DGKG: variants seen among roughly 807,000 people sequenced by gnomAD.
The protein encoded by DGKG is diacylglycerol kinase gamma.
DGKG carries 78 observed loss-of-function variants against 105.3 expected under a neutral mutation model. The ratio of observed to expected loss-of-function variants is 0.74; its 90% CI spans 0.62 to 0.89. The LOEUF is 0.89. Ranked by LOEUF, DGKG falls within the 40% of genes least tolerant of loss-of-function variation. The pLI, the probability that DGKG is intolerant of heterozygous loss-of-function variation, is 0.00. For synonymous variants in DGKG, 346 were observed against 367.1 expected, an observed-to-expected ratio of 0.94 and a Z score of 0.66; for missense variants, 958 against 1,020.1, an observed-to-expected ratio of 0.94 and a Z score of 0.83.
intron 3 of DGKG, among the ~76,000 whole-genome samples, chr3:186,299,840 T>TCTTTCTCTTTCTTTCTTTC (rs1553815789): frequency 2.0e-4 from 16 of 80,750 alleles, no homozygotes; most frequent in Non-Finnish European, 2.5e-4. Context: ...TTTCTTTCTT[T>TCTTTCTCTTTCTTTCTTTC]TTTTTTTTTT....
At chr3:186,348,473 A>C (rs1229525082) in intron 1 of DGKG, among the ~76,000 whole-genome samples, 1 of 73,214 alleles carries the variant, frequency 1.4e-5, no homozygotes, top group Non-Finnish European at 2.2e-5. Context: ...TTTTTTTTTG[A>C]GATAGGGTCT....
At chr3:186,297,068 T>TCTCTCTCTCTCACACACACA (rs1452573661) in intron 5 of DGKG, among the ~76,000 whole-genome samples, 1 of 130,420 alleles carries the variant, frequency 7.7e-6, no homozygotes, top group African/African-American at 2.9e-5. Flanking sequence ...TCTGTCTCTC[T>TCTCTCTCTCTCACACACACA]CACACACACA....
chr3:186,262,013 G>A (rs1308515681), intron 14 of DGKG: 1 of 439,736 alleles, frequency 2.3e-6, no homozygotes, highest in Non-Finnish European at 4.2e-6. Flanking sequence ...TCAGCGATGG[G>A]ACAATGATGC....
chr3:186,280,592 C>T (rs1560131459), intron 8 of DGKG, 78 bp downstream of exon 8: 4 of 1,173,820 alleles, frequency 3.4e-6, no homozygotes, highest in East Asian at 4.7e-5. Flanking sequence ...AGGGTTAACA[C>T]TCATTCATGT....
At chr3:186,152,675 T>A (rs975758402) in intron 24 of DGKG, among the ~76,000 whole-genome samples, 3 of 152,136 alleles carry the variant, frequency 2.0e-5, no homozygotes, top group Non-Finnish European at 4.4e-5. Context: ...CACATTTTTT[T>A]ATTTTTGAGA....
At chr3:186,187,932 C>G (rs1056942052) in intron 22 of DGKG, among the ~76,000 whole-genome samples, 2 of 152,166 alleles carry the variant, frequency 1.3e-5, no homozygotes, top group African/African-American at 2.4e-5. Flanking sequence ...ATTGGAGAAC[C>G]CTGGTAACCT....
intron 1 of DGKG, among the ~76,000 whole-genome samples, chr3:186,335,582 A>G (rs1267493713): frequency 6.6e-6 from 1 of 152,202 alleles, no homozygotes; most frequent in Non-Finnish European, 1.5e-5. Context: ...TTTGCCACCT[A>G]CCAAATTGTT....
intron 20 of DGKG, 72 bp downstream of exon 20, chr3:186,242,432 A>C: frequency 7.5e-7 from 1 of 1,326,936 alleles, no homozygotes; most frequent in South Asian, 1.4e-5. Context: ...ATTTCCAGAG[A>C]GCAGGTGAAA....
At position 186,259,227 on chromosome 3, in the gene DGKG, C is replaced by T. The variant is rs114080402; in HGVS notation, c.1424+1212G>A. 1.4e-3 allele frequency among the ~76,000 whole-genome samples: 212 copies of T among 152,338 alleles called. 1 individual carries two copies. Among genetic ancestry groups the T allele is most frequent in the African/African-American group, 4.7e-3 (196 of 41,574 alleles). ...GCGTATCAGCCCGGGAAGTAGCCAC[C>T]TGGCTCGTCGTCTCAGATGAAAACA... On this transcript the variant is annotated intron_variant, in intron 16 of 24. Transcript: ENST00000265022.
chr3:186,264,400 A>AT (rs1435089951), intron 14 of DGKG, among the ~76,000 whole-genome samples: 2 of 152,034 alleles, frequency 1.3e-5, no homozygotes. Flanking sequence ...AGTAGCTGGG[A>AT]TTACAGGCAC....
Position 186,149,326 on chromosome 3 carries a change from C to A in DGKG, c.*764G>T. On this transcript the variant is annotated 3_prime_UTR_variant, in exon 25 of 25. Transcript: ENST00000265022. ...CTCCGCTCTCCCTCCCAGGTGTTCACAGAACTAAGAAAATAAATACCACAT... is the reference window on the plus strand; with the variant it reads ...CTCCGCTCTCCCTCCCAGGTGTTCAAAGAACTAAGAAAATAAATACCACAT... The A allele has an allele frequency of 1.0e-6, 1 of 985,272 alleles. No individual in the cohort carries two copies. The highest frequency in any genetic ancestry group is 1.7e-5 in the African/African-American group (1 of 57,294). 61.0% of individuals were successfully genotyped at this position (985,272 alleles called of 1,614,324 possible).
intron 23 of DGKG, among the ~76,000 whole-genome samples, chr3:186,163,394 G>A (rs1228706927): frequency 6.6e-6 from 1 of 152,164 alleles, no homozygotes; most frequent in Non-Finnish European, 1.5e-5. Flanking sequence ...TGGAAGAAAA[G>A]GCAGGCTCTT....
intron 17 of DGKG, among the ~76,000 whole-genome samples, chr3:186,253,502 C>A (rs1011584652): frequency 7.2e-5 from 11 of 152,336 alleles, no homozygotes; most frequent in African/African-American, 2.6e-4. Context: ...CATTAAGTTG[C>A]ATGTTTTTAA....
intron 5 of DGKG, among the ~76,000 whole-genome samples, chr3:186,296,591 G>A (rs551377631): frequency 6.6e-6 from 1 of 152,186 alleles, no homozygotes; most frequent in Non-Finnish European, 1.5e-5. Flanking sequence ...TGGGCCTATG[G>A]GCAGCAGGCA....
chr3:186,310,041 G>A (rs1394843251), intron 2 of DGKG, among the ~76,000 whole-genome samples: 2 of 151,224 alleles, frequency 1.3e-5, no homozygotes, highest in Non-Finnish European at 3.0e-5. Flanking sequence ...GGCTGAGGCG[G>A]GCGGATCACG....
chr3:186,212,615 GA>G (rs58127547), intron 20 of DGKG, among the ~76,000 whole-genome samples: 2,108 of 150,112 alleles, frequency 0.014, 32 homozygotes, highest in African/African-American at 0.046. Context: ...TTCCTTGAGA[GA>G]AAAAAAAAAT....
chr3:186,314,720 C>T (rs1724732885), intron 2 of DGKG, among the ~76,000 whole-genome samples: 2 of 146,670 alleles, frequency 1.4e-5, no homozygotes, highest in Admixed American at 1.4e-4. Flanking sequence ...CGCCGCTGCA[C>T]TCCAGGCTAG....
intron 5 of DGKG, among the ~76,000 whole-genome samples, chr3:186,293,937 T>C (rs200935165): frequency 6.8e-6 from 1 of 147,804 alleles, no homozygotes; most frequent in Non-Finnish European, 1.5e-5. Flanking sequence ...AAGGTTTTTT[T>C]CCCTTAAATC....
chr3:186,158,467 A>G, intron 24 of DGKG: 2 of 970,026 alleles, frequency 2.1e-6, no homozygotes, highest in Admixed American at 6.2e-5. Flanking sequence ...AATTTTGTTT[A>G]TTCACTTAAT....
Sources: gnomAD v4.1 joint callset for allele counts (sites outside exome capture counted in the v4.1 genomes callset) on GRCh38, gnomAD v4.1.1 for gene constraint, MANE v1.5 for transcripts, NCBI Gene and HGNC (gene_info 2026-07-23, HGNC 2026-07-21) for gene names.